LARGE1: variants seen among roughly 807,000 people sequenced by gnomAD.
LARGE1 encodes the protein xylosyl- and glucuronyltransferase LARGE1.
In LARGE1, 43 loss-of-function variants were observed where a neutral mutation model predicts 87.6. The observed-to-expected ratio is 0.49, with a 90% CI of 0.38 to 0.63. The LOEUF (loss-of-function observed/expected upper bound fraction) is 0.63, where lower values mean the gene tolerates loss of function less well. Ranked by LOEUF, LARGE1 falls within the 30% of genes least tolerant of loss-of-function variation. The pLI, the probability that LARGE1 is intolerant of heterozygous loss-of-function variation, is 0.00. For synonymous variants in LARGE1, 434 were observed against 394.6 expected (o/e 1.10, Z -1.18); for missense variants, 802 against 1,000.2 (o/e 0.80, Z 2.67).
At chr22:33,619,126 T>C (rs764898822) in intron 4 of LARGE1, among the ~76,000 whole-genome samples, 8 of 152,212 alleles carry the variant, frequency 5.3e-5, no homozygotes, top group Non-Finnish European at 1.2e-4. Context: ...TGAGTGTCCG[T>C]GTGCCTAATT....
At chr22:33,341,568 A>C (rs79331772) in intron 9 of LARGE1, among the ~76,000 whole-genome samples, 9,922 of 152,124 alleles carry the variant, frequency 0.065, 717 homozygotes, top group African/African-American at 0.19. Context: ...CTGCTCTAGA[A>C]GACCAGTTTT....
At chr22:33,870,047 A>C (rs1461577677) in intron 1 of LARGE1, among the ~76,000 whole-genome samples, 1 of 152,204 alleles carries the variant, frequency 6.6e-6, no homozygotes, top group Non-Finnish European at 1.5e-5. Context: ...TTATTTGGAA[A>C]CAAGTTCATT....
At chr22:33,587,109 A>T (rs1237472780) in intron 5 of LARGE1, among the ~76,000 whole-genome samples, 1 of 152,220 alleles carries the variant, frequency 6.6e-6, no homozygotes, top group African/African-American at 2.4e-5. Flanking sequence ...CTATTAAATC[A>T]ATAAAATGTT....
At chr22:33,580,408 T>C (rs1161557442) in intron 5 of LARGE1, among the ~76,000 whole-genome samples, 1 of 151,214 alleles carries the variant, frequency 6.6e-6, no homozygotes, top group Non-Finnish European at 1.5e-5. Context: ...AGGCCACCTA[T>C]TGCTCTGTCA....
At chr22:33,708,294 C>T (rs572626886) in intron 2 of LARGE1, among the ~76,000 whole-genome samples, 2 of 152,166 alleles carry the variant, frequency 1.3e-5, no homozygotes, top group South Asian at 4.2e-4. Flanking sequence ...AGGGATATGA[C>T]AGTGCACTGG....
chr22:33,089,381 C>CTTA, the LARGE1 span, among the ~76,000 whole-genome samples: 1 of 136,606 alleles, frequency 7.3e-6, no homozygotes, highest in Non-Finnish European at 1.6e-5. Flanking sequence ...CCTTCTTCTT[C>CTTA]TTCTTCCTCT....
chr22:33,132,446 G>A, the LARGE1 span, among the ~76,000 whole-genome samples: 9 of 151,224 alleles, frequency 6.0e-5, no homozygotes, highest in Non-Finnish European at 1.0e-4. Context: ...GCTTCCCAAA[G>A]TGCTGGAATT....
intron 6 of LARGE1, among the ~76,000 whole-genome samples, chr22:33,489,452 G>T (rs528645033): frequency 1.3e-5 from 2 of 152,268 alleles, no homozygotes; most frequent in African/African-American, 4.8e-5. Flanking sequence ...ATCTTGAATT[G>T]TAGCTCCCAT....
intron 2 of LARGE1, among the ~76,000 whole-genome samples, chr22:33,683,916 C>T (rs1013785373): frequency 5.9e-5 from 9 of 152,060 alleles, no homozygotes; most frequent in African/African-American, 2.2e-4. Flanking sequence ...GTAGGTAAAG[C>T]GCCACCACAG....
At chr22:33,617,157 T>C (rs1186775807) in intron 4 of LARGE1, among the ~76,000 whole-genome samples, 1 of 152,186 alleles carries the variant, frequency 6.6e-6, no homozygotes, top group Non-Finnish European at 1.5e-5. Context: ...GGGAGGTAAG[T>C]CCAATTCATG....
intron 5 of LARGE1, among the ~76,000 whole-genome samples, chr22:33,595,556 T>G (rs995964860): frequency 4.6e-5 from 7 of 152,140 alleles, no homozygotes; most frequent in Admixed American, 4.6e-4. Context: ...AAGACATGTT[T>G]TAAGGGTCAA....
At chr22:33,333,003 G>A (rs1467506311) in intron 10 of LARGE1, among the ~76,000 whole-genome samples, 1 of 145,936 alleles carries the variant, frequency 6.9e-6, no homozygotes, top group East Asian at 2.0e-4. Context: ...GCCTGGGATG[G>A]GGCAATGTCC....
Position 33,564,874 on chromosome 22 carries a change from A to G in LARGE1, c.761T>C (p.Leu254Pro). The G allele has an allele frequency of 6.2e-7, 1 of 1,614,240 alleles. No homozygotes were observed. Among genetic ancestry groups the G allele is most frequent in the East Asian group, 2.2e-5 (1 of 44,874 alleles). The change falls in exon 6 of 15, where the codon CTG (leucine) becomes CCG (proline). Residue 254 changes from leucine to proline, a missense_variant. This residue lies in a region of LARGE1 where 625 missense variants were observed against 841.9 expected (regional missense o/e 0.74). Transcript: ENST00000397394. ...DITFATDIAE[L>P]WAVFHKFKGQ... ...TTTGAACTTGTGGAACACAGCCCACAGCTCTGCAATGTCAGTGGCAAAGGT... is the reference window on the plus strand; with the variant it reads ...TTTGAACTTGTGGAACACAGCCCACGGCTCTGCAATGTCAGTGGCAAAGGT...
chr22:33,839,648 A>T (rs952327924), intron 1 of LARGE1, among the ~76,000 whole-genome samples: 1 of 152,262 alleles, frequency 6.6e-6, no homozygotes, highest in Non-Finnish European at 1.5e-5. Flanking sequence ...AATAAGATTT[A>T]GTAGCCTGAA....
At chr22:33,131,033 C>CAAAAAAAAAAAAAAAAAAAA in the LARGE1 span, among the ~76,000 whole-genome samples, 1 of 70,940 alleles carries the variant, frequency 1.4e-5, no homozygotes, top group African/African-American at 5.7e-5. Context: ...GACTCCGTCT[C>CAAAAAAAAAAAAAAAAAAAA]AAAAAAAAAA....
At chr22:33,257,099 G>A (rs1006097972) in intron 11 of LARGE1, among the ~76,000 whole-genome samples, 7 of 152,180 alleles carry the variant, frequency 4.6e-5, no homozygotes, top group African/African-American at 1.7e-4. Context: ...CAGCTACTCT[G>A]GAGGCTGAGG....
intron 1 of LARGE1, among the ~76,000 whole-genome samples, chr22:33,822,949 C>T (rs1303800957): frequency 1.3e-5 from 2 of 152,142 alleles, no homozygotes; most frequent in East Asian, 3.9e-4. Context: ...TGATCTATGA[C>T]ACTCCAGCTA....
chr22:33,667,181 G>A (rs906924654), intron 2 of LARGE1, among the ~76,000 whole-genome samples: 5 of 152,234 alleles, frequency 3.3e-5, no homozygotes, highest in African/African-American at 1.2e-4. Flanking sequence ...GCTGGATGAT[G>A]GGAGAGTTAT....
chr22:33,400,614 C>T (rs900275674), intron 7 of LARGE1, among the ~76,000 whole-genome samples: 13 of 152,256 alleles, frequency 8.5e-5, no homozygotes, highest in Non-Finnish European at 1.6e-4. Flanking sequence ...GGAGAGATGG[C>T]GTGGATGGCC....
Sources: gnomAD v4.1 joint callset for allele counts (sites outside exome capture counted in the v4.1 genomes callset) on GRCh38, gnomAD v4.1.1 for gene constraint, gnomAD v4.1.1 regional missense constraint, MANE v1.5 for transcripts, NCBI Gene and HGNC (gene_info 2026-07-23, HGNC 2026-07-21) for gene names.